The following POU2F2 variants were observed in gnomAD, a reference collection of about 807,000 sequenced individuals.
POU2F2 encodes the protein POU class 2 homeobox 2, also known as POU domain, class 2, transcription factor 2.
POU2F2 carries 14 observed loss-of-function variants against 63.5 expected under a neutral mutation model. That is an observed-to-expected ratio of 0.22 (90% CI 0.15 to 0.34). The LOEUF is 0.34. Ranked by LOEUF, POU2F2 falls within the 10% of genes least tolerant of loss-of-function variation. The pLI is 1.00. For missense variants in POU2F2, 607 were observed against 815.2 expected (o/e 0.74, Z 3.11); for synonymous variants, 306 against 348.6 (o/e 0.88, Z 1.36).
chr19:42,123,618 A>G (rs557842231), intron 1 of POU2F2, among the ~76,000 whole-genome samples: 10 of 152,100 alleles, frequency 6.6e-5, no homozygotes, highest in African/African-American at 2.2e-4. Flanking sequence ...CCCTGATTGG[A>G]CCCCTGGTCT....
Position 42,149,166 on chromosome 19 carries a change from A to C in POU2F2, c.-9+11166T>G, listed in dbSNP as rs142540491. The stretch of plus-strand genomic sequence containing the variant: ...ACACCCTTGGAGTAGCTCGCTTTTC[A>C]GGGGAAACCAAGGCTCAGGGCCAGC... On this transcript the variant is annotated intron_variant, in intron 2 of 6. Coordinates refer to the POU2F2 transcript ENST00000524801. Among the ~76,000 whole-genome samples, 805 of 152,254 alleles carry C rather than the reference A, an allele frequency of 5.3e-3. 7 individuals are homozygous for C. Among genetic ancestry groups the C allele is most frequent in the Middle Eastern group, 0.034 (10 of 294 alleles).
chr19:42,105,367 A>G (rs1254985139), intron 5 of POU2F2, among the ~76,000 whole-genome samples: 1 of 152,138 alleles, frequency 6.6e-6, no homozygotes, highest in Non-Finnish European at 1.5e-5. Context: ...TCATATCGGA[A>G]CCTGGTAAGC....
At chr19:42,130,523 GT>G (rs1462312614) in intron 1 of POU2F2, among the ~76,000 whole-genome samples, 2 of 151,978 alleles carry the variant, frequency 1.3e-5, no homozygotes, top group East Asian at 3.9e-4. Flanking sequence ...CAAGTAAAGG[GT>G]TTAGCCTACT....
chr19:42,150,104 G>A (rs2034311403), intron 2 of POU2F2, among the ~76,000 whole-genome samples: 1 of 152,078 alleles, frequency 6.6e-6, no homozygotes, highest in African/African-American at 2.4e-5. Flanking sequence ...GACAGGCTTT[G>A]GCTATCCTGA....
intron 12 of POU2F2, among the ~76,000 whole-genome samples, chr19:42,093,136 G>C (rs932256510): frequency 6.7e-6 from 1 of 149,132 alleles, no homozygotes; most frequent in Admixed American, 6.8e-5. Flanking sequence ...TCAGCCTCCC[G>C]AGTAGCTGGG....
intron 2 of POU2F2, among the ~76,000 whole-genome samples, chr19:42,158,483 T>C (rs1271644611): frequency 6.6e-6 from 1 of 152,234 alleles, no homozygotes; most frequent in African/African-American, 2.4e-5. Flanking sequence ...TGGGTGGCCT[T>C]AGGCAAGTTG....
Position 42,087,496 on chromosome 19 carries a change from A to C in POU2F2, c.*3761T>G, listed in dbSNP as rs181257292. ...CCTCCTGATCTCAGCCCCAACTCCTACTGGGGCTTGGGTTCCCCATCCCTA... is the reference window on the plus strand; with the variant it reads ...CCTCCTGATCTCAGCCCCAACTCCTCCTGGGGCTTGGGTTCCCCATCCCTA... On this transcript the variant is annotated 3_prime_UTR_variant, in exon 15 of 15. Transcript: ENST00000692977. The C allele has an allele frequency of 6.6e-5, 10 of 150,528 alleles. 1 individual carries two copies. The East Asian group carries it at 2.0e-3, about 29-fold the overall frequency. The allele number at this position is 150,528 out of a possible 1,614,324, so 9.3% of individuals were successfully genotyped here.
Position 42,095,909 on chromosome 19 carries a change from C to T in POU2F2, c.750G>A (p.Met250Ile), listed in dbSNP as rs1488427620. The change falls in exon 9 of 15, where the codon ATG becomes ATA. Residue 250 changes from methionine (M) to isoleucine (I), a missense_variant. Transcript: ENST00000692977. This position sits in a 1 kb window ranked among gnomAD's most constrained non-coding sequence, Gnocchi z 7.1. ...TGAAGTCGTTGCCGTAGAGCTTGCC[C>T]ATGGCCAGGCCCACATCACCCTGGG... ...GFTQGDVGLA[M>I]GKLYGNDFSQ... is the part of the protein sequence containing the mutation. 5 of 1,613,626 alleles carry T rather than the reference C, an allele frequency of 3.1e-6. No homozygotes were observed. Among genetic ancestry groups the T allele is most frequent in the Non-Finnish European group, 4.2e-6 (5 of 1,179,774 alleles).
chr19:42,119,116 C>T (rs1249116565), intron 4 of POU2F2, among the ~76,000 whole-genome samples: 2 of 149,380 alleles, frequency 1.3e-5, no homozygotes, highest in Admixed American at 6.7e-5. Context: ...GAGCAAGACA[C>T]CGTCTCTTAA....
intron 1 of POU2F2, among the ~76,000 whole-genome samples, chr19:42,130,770 A>G (rs528956231): frequency 6.7e-6 from 1 of 149,602 alleles, no homozygotes; most frequent in Admixed American, 6.7e-5. Flanking sequence ...CTGCTCAGAC[A>G]CCCCCTTCCT....
rs1491273530 is a variant in POU2F2, at chr19:42,091,093, CCT to C, written c.*162_*163del. The C allele has an allele frequency of 9.2e-6, 5 of 541,828 alleles. No individual in the cohort carries two copies. Among genetic ancestry groups the C allele is most frequent in the Non-Finnish European group, 1.4e-5 (5 of 351,172 alleles). 33.6% of individuals were successfully genotyped at this position (541,828 alleles called of 1,614,324 possible). On this transcript the variant is annotated 3_prime_UTR_variant, in exon 15 of 15. Transcript: ENST00000692977. Reference sequence around the variant, plus strand: ...TTCTCTTTTGTTGGTTAGTTTCTTTCCTTTTTTTTTTTTTTTTTGGTTGGTTG... The same window carrying C: ...TTCTCTTTTGTTGGTTAGTTTCTTTCTTTTTTTTTTTTTTTTGGTTGGTTG...
At chr19:42,132,340 G>A in intron 1 of POU2F2, 44 bp downstream of exon 1, 1 of 1,584,930 alleles carries the variant, frequency 6.3e-7, no homozygotes, top group Non-Finnish European at 8.6e-7. Flanking sequence ...ACCTAAATGT[G>A]CTGCCTGTCC....
rs56158047 is a variant in POU2F2 at position 42,092,987 on chromosome 19, G to GTATATATATATA, written c.1265-729_1265-718dup. 1.1e-5 allele frequency among the ~76,000 whole-genome samples: 1 copy of GTATATATATATA among 92,912 alleles called. No individual in the cohort carries two copies. The highest frequency in any genetic ancestry group is 5.1e-5 in the African/African-American group (1 of 19,568). 61.0% of individuals were successfully genotyped at this position (92,912 alleles called of 152,430 possible). On this transcript the variant is annotated intron_variant, in intron 12 of 14. Coordinates refer to ENST00000692977, the MANE Select transcript of POU2F2 (RefSeq NM_001394376.1). This position sits in a 1 kb window ranked among gnomAD's most constrained non-coding sequence, Gnocchi z 5.0. ...ATGCATATATATATTATGTGTGTGT[G>GTATATATATATA]TATATATATATATATATATATATTT...
chr19:42,127,248 C>A (rs1296271882), intron 1 of POU2F2, among the ~76,000 whole-genome samples: 1 of 152,048 alleles, frequency 6.6e-6, no homozygotes, highest in Non-Finnish European at 1.5e-5. Context: ...AGCCACCATG[C>A]CTGCACTTTG....
intron 5 of POU2F2, among the ~76,000 whole-genome samples, chr19:42,111,747 A>C (rs974198993): frequency 6.6e-6 from 1 of 152,010 alleles, no homozygotes; most frequent in Non-Finnish European, 1.5e-5. Flanking sequence ...AGCCACCCTC[A>C]TGTCCCATCT....
chr19:42,119,474 A>G (rs931514322), intron 4 of POU2F2, among the ~76,000 whole-genome samples: 3 of 152,208 alleles, frequency 2.0e-5, no homozygotes, highest in African/African-American at 7.2e-5. Flanking sequence ...GGAGTTCGAG[A>G]CCAGCCTGGC....
chr19:42,148,886 G>A (rs1452050107), intron 2 of POU2F2, among the ~76,000 whole-genome samples: 1 of 152,102 alleles, frequency 6.6e-6, no homozygotes, highest in Non-Finnish European at 1.5e-5. Context: ...CATGGACCCA[G>A]GCGTCTTGAA....
intron 1 of POU2F2, among the ~76,000 whole-genome samples, chr19:42,183,606 G>T (rs183007104): frequency 6.6e-6 from 1 of 152,248 alleles, no homozygotes; most frequent in East Asian, 1.9e-4. Context: ...CAATAAAGCT[G>T]ATTGCAAATA....
intron 1 of POU2F2, among the ~76,000 whole-genome samples, chr19:42,130,304 C>T (rs575579323): frequency 1.3e-5 from 2 of 152,272 alleles, no homozygotes; most frequent in South Asian, 2.1e-4. Context: ...CAGAGTCACA[C>T]ACACAAACAC....
Sources: allele counts gnomAD v4.1 joint callset (sites outside exome capture counted in the v4.1 genomes callset), GRCh38; gene constraint gnomAD v4.1.1; non-coding constraint Gnocchi (gnomAD v3.1); transcripts MANE v1.5; gene names NCBI Gene and HGNC (gene_info 2026-07-23, HGNC 2026-07-21).